ABCB8: variants seen among roughly 807,000 people sequenced by gnomAD.
ABCB8 encodes the protein ATP binding cassette subfamily B member 8, also known as mitochondrial potassium channel ATP-binding subunit.
ABCB8 carries 52 observed loss-of-function variants against 73.0 expected under a neutral mutation model. The ratio of observed to expected loss-of-function variants is 0.71; its 90% CI spans 0.57 to 0.90. The LOEUF (loss-of-function observed/expected upper bound fraction) is 0.90, where lower values mean the gene tolerates loss of function less well. Ranked by LOEUF, ABCB8 falls within the 40% of genes least tolerant of loss-of-function variation. The probability of loss-of-function intolerance (pLI) is 0.00; values close to 1 mark genes in which losing one functional copy is unlikely to be tolerated. For synonymous variants in ABCB8, 428 were observed against 423.5 expected (o/e 1.01, Z -0.13); for missense variants, 909 against 974.6 (o/e 0.93, Z 0.90).
intron 15 of ABCB8, 21 bp from the exon 16 acceptor site, chr7:151,045,187 GC>G (rs775619464): frequency 6.6e-7 from 1 of 1,525,538 alleles, no homozygotes; most frequent in South Asian, 1.2e-5. Flanking sequence ...GCAACCATCC[GC>G]CCTTCCCTCC....
intron 1 of ABCB8, chr7:151,033,192 T>A: frequency 2.3e-6 from 1 of 435,536 alleles, no homozygotes; most frequent in Admixed American, 2.5e-5. Flanking sequence ...CAGGAGCAGC[T>A]CTCTTTCCTC....
At chr7:151,037,517 G>A in intron 9 of ABCB8, 1 of 595,720 alleles carries the variant, frequency 1.7e-6, no homozygotes, top group Non-Finnish European at 3.0e-6. Context: ...CTCTTTCCAA[G>A]CTAAACACAA....
In ABCB8 at chr7:151,042,127, C is replaced by G; in HGVS notation, c.1765+19C>G. On this transcript the variant is annotated intron_variant, in intron 14 of 15. Transcript: ENST00000358849. ...GTCGTCGGTGGGTGCTCGGGTCTGC[C>G]GGGAACCAGGTGGTGAGGCACTGGG... 6.2e-7 allele frequency: 1 copy of G among 1,610,150 alleles called. No homozygotes were observed. The highest frequency in any genetic ancestry group is 8.5e-7 in the Non-Finnish European group (1 of 1,177,952).
rs371383023 is a variant in ABCB8, at chr7:151,045,373, G to A, written c.*24G>A. 49 of 1,502,086 alleles carry A rather than the reference G, an allele frequency of 3.3e-5. No individual in the cohort carries two copies. The highest frequency in any genetic ancestry group is 3.9e-5 in the Non-Finnish European group (44 of 1,122,588). 93.0% of individuals were successfully genotyped at this position (1,502,086 alleles called of 1,614,324 possible). On this transcript the variant is annotated 3_prime_UTR_variant, in exon 16 of 16. Transcript: ENST00000358849. Reference sequence around the variant, plus strand: ...GAGAAGGGCCCCCTGAGGTGTGGTCGCTGCCAAGCATCAGTGTTAGGGCTG... The same window carrying A: ...GAGAAGGGCCCCCTGAGGTGTGGTCACTGCCAAGCATCAGTGTTAGGGCTG...
chr7:151,030,376 G>A (rs1056781790), intron 1 of ABCB8, among the ~76,000 whole-genome samples: 5 of 151,928 alleles, frequency 3.3e-5, no homozygotes, highest in Admixed American at 1.3e-4. Context: ...TTAGCCAGGC[G>A]TGGTTGCACG....
In ABCB8 at chr7:151,041,136, C is replaced by T. The variant is rs778666014; in HGVS notation, c.1521C>T (p.Tyr507=). ...TTVASLLERF[Y]DPTAGVVMLD... ...TGGCTTCCCTGCTGGAGCGCTTCTA[C>T]GACCCCACGGCAGGCGTGGTGATGC... Residue 507 remains tyrosine, a synonymous_variant, in exon 13 of 16, where the codon TAC becomes TAT. Transcript: ENST00000358849. The T allele has an allele frequency of 6.8e-6, 11 of 1,612,914 alleles. No homozygotes were observed. Among genetic ancestry groups the T allele is most frequent in the South Asian group, 5.5e-5 (5 of 91,082 alleles).
At chr7:151,037,013 C>T (rs574084015) in intron 9 of ABCB8, 56 of 686,700 alleles carry the variant, frequency 8.2e-5, no homozygotes, top group Admixed American at 2.2e-4. Context: ...AGTGGGTGCA[C>T]TCACATTGCT....
In ABCB8 at chr7:151,035,691, C is replaced by T. The variant is rs1382077167; in HGVS notation, c.876C>T (p.Gly292=). The part of the protein sequence containing the change: ...MVATPALMGV[G]TLMGSGLRKL... ...CCACACCAGCCCTGATGGGAGTGGGCACCCTGATGGGCTCAGGCCTCCGAA... is the reference window on the plus strand; with the variant it reads ...CCACACCAGCCCTGATGGGAGTGGGTACCCTGATGGGCTCAGGCCTCCGAA... The change falls in exon 6 of 16, where the codon GGC becomes GGT. Residue 292 remains glycine (G), a synonymous_variant. Transcript: ENST00000358849. 7 of 1,613,540 alleles carry T rather than the reference C, an allele frequency of 4.3e-6. No individual in the cohort carries two copies. The highest frequency in any genetic ancestry group is 1.3e-5 in the African/African-American group (1 of 74,942).
Position 151,040,591 on chromosome 7 carries a change from G to A in ABCB8, c.1345G>A (p.Glu449Lys). 1.2e-6 allele frequency: 2 copies of A among 1,613,302 alleles called. No homozygotes were observed. The highest frequency in any genetic ancestry group is 1.7e-6 in the Non-Finnish European group (2 of 1,179,926). ...PLSGGCCVPK[E>K]QLRGSVTFQN... ...GTCTGGGGGCTGCTGCGTCCCCAAA[G>A]AGCAGCTGCGTGGCTCCGTTACATT... Residue 449 changes from glutamate to lysine, a missense_variant, in exon 11 of 16, where the codon GAG becomes AAG. Glu to Lys is a moderately conservative substitution (Grantham distance 56, BLOSUM62 1). Transcript: ENST00000358849.
chr7:151,045,152 G>A (rs1796580299), intron 15 of ABCB8, 57 bp from the exon 16 acceptor site: 2 of 1,469,782 alleles, frequency 1.4e-6, no homozygotes, highest in African/African-American at 1.4e-5. Flanking sequence ...GCTCTCTGAG[G>A]GTTCTGAAGC....
chr7:151,028,500 GT>G lies in ABCB8; in HGVS notation c.-12del, dbSNP rs758384356. 2 of 1,610,120 alleles carry G rather than the reference GT, an allele frequency of 1.2e-6. No individual in the cohort carries two copies. The highest frequency in any genetic ancestry group is 1.7e-6 in the Non-Finnish European group (2 of 1,178,586). Reference sequence around the variant, plus strand: ...GAAACTGCTATTGCCGGCGGCTCCTGTTTTACCGCGTCAGCATGCTGGTGCA... The same window carrying G: ...GAAACTGCTATTGCCGGCGGCTCCTGTTTACCGCGTCAGCATGCTGGTGCA... On this transcript the variant is annotated 5_prime_UTR_variant, in exon 1 of 16. Coordinates refer to ENST00000358849, the MANE Select transcript of ABCB8 (RefSeq NM_007188.5).
chr7:151,031,227 T>G, intron 1 of ABCB8: 1 of 1,479,550 alleles, frequency 6.8e-7, no homozygotes. Flanking sequence ...AAGATATAAT[T>G]TCCTGCCTTT....
chr7:151,032,301 G>A (rs545119904), intron 1 of ABCB8, among the ~76,000 whole-genome samples: 1 of 152,306 alleles, frequency 6.6e-6, no homozygotes, highest in Non-Finnish European at 1.5e-5. Context: ...AGTTAACTGT[G>A]AGTCTCCCGC....
rs934602392 is a variant in ABCB8, at chr7:151,045,879, C to T, written c.*530C>T. 6.6e-6 allele frequency: 1 copy of T among 152,586 alleles called. No individual in the cohort carries two copies. The highest frequency in any genetic ancestry group is 2.4e-5 in the African/African-American group (1 of 41,460). 9.5% of individuals were successfully genotyped at this position (152,586 alleles called of 1,614,324 possible). A position where few individuals can be genotyped will look rare whatever the true frequency, so the allele number is the denominator to read the frequency against. On this transcript the variant is annotated 3_prime_UTR_variant, in exon 16 of 16. Coordinates refer to ENST00000358849, the MANE Select transcript of ABCB8 (RefSeq NM_007188.5). ...CCACTCCCTCCATGGGAGAAGGAGC[C>T]TATCCCCTGGCTCACCCCGGGACCC...
chr7:151,030,166 T>C (rs976548970), intron 1 of ABCB8, among the ~76,000 whole-genome samples: 1 of 152,228 alleles, frequency 6.6e-6, no homozygotes, highest in Non-Finnish European at 1.5e-5. Context: ...TATGTGTTCA[T>C]TAGTCAGTAT....
In ABCB8 at chr7:151,045,592, A is replaced by C; in HGVS notation, c.*243A>C. The C allele has an allele frequency of 2.2e-6, 1 of 450,886 alleles. No individual in the cohort carries two copies. Among genetic ancestry groups the C allele is most frequent in the Middle Eastern group, 5.7e-4 (1 of 1,756 alleles). 27.9% of individuals were successfully genotyped at this position (450,886 alleles called of 1,614,324 possible). A position where few individuals can be genotyped will look rare whatever the true frequency, so the allele number is the denominator to read the frequency against. On this transcript the variant is annotated 3_prime_UTR_variant, in exon 16 of 16. Coordinates refer to ENST00000358849, the MANE Select transcript of ABCB8 (RefSeq NM_007188.5). ...GAGTCTGCCAGAGTCATTGGGCTGCAATGGGCAGAGACAGAGTTCCACGAG... is the reference window on the plus strand; with the variant it reads ...GAGTCTGCCAGAGTCATTGGGCTGCCATGGGCAGAGACAGAGTTCCACGAG...
At chr7:151,032,176 CCTGT>C (rs1796181804) in intron 1 of ABCB8, among the ~76,000 whole-genome samples, 1 of 152,190 alleles carries the variant, frequency 6.6e-6, no homozygotes, top group Admixed American at 6.5e-5. Context: ...TCCACCCCCA[CCTGT>C]GCCTGGCCTG....
chr7:151,033,271 G>A (rs1019718319), intron 1 of ABCB8: 19 of 521,940 alleles, frequency 3.6e-5, no homozygotes, highest in Admixed American at 1.7e-4. Context: ...GCCATCTAAC[G>A]TGCCATCCAG....
intron 1 of ABCB8, chr7:151,031,329 A>G (rs771295165): frequency 2.6e-6 from 4 of 1,529,692 alleles, no homozygotes; most frequent in East Asian, 2.4e-5. Flanking sequence ...ACAAGAACAC[A>G]GTGGAAAACA....
Sources: allele counts gnomAD v4.1 joint callset (sites outside exome capture counted in the v4.1 genomes callset), GRCh38; gene constraint gnomAD v4.1.1; transcripts MANE v1.5; gene names NCBI Gene and HGNC (gene_info 2026-07-23, HGNC 2026-07-21).